Variants in EDIL3 observed in about 807,000 individuals in gnomAD.
EDIL3 encodes the protein EGF-like repeat and discoidin I-like domain-containing protein 3.
EDIL3 carries 37 observed loss-of-function variants against 67.4 expected under a neutral mutation model. The ratio of observed to expected loss-of-function variants is 0.55; its 90% CI spans 0.42 to 0.72. The LOEUF (loss-of-function observed/expected upper bound fraction) is 0.72. Ranked by LOEUF, EDIL3 falls within the 30% of genes least tolerant of loss-of-function variation. EDIL3 has a pLI of 0.00. For missense variants in EDIL3, 527 were observed against 586.3 expected (o/e 0.90, Z 1.04); for synonymous variants, 195 against 196.3 (o/e 0.99, Z 0.05).
intron 1 of EDIL3, among the ~76,000 whole-genome samples, chr5:84,312,245 C>G (rs1366251323): frequency 6.9e-6 from 1 of 145,312 alleles, no homozygotes; most frequent in East Asian, 2.1e-4. Flanking sequence ...GGCTGACCCC[C>G]CCACCTCCCT....
At chr5:84,241,686 GAA>G (rs200180863) in intron 2 of EDIL3, among the ~76,000 whole-genome samples, 6 of 135,346 alleles carry the variant, frequency 4.4e-5, no homozygotes, top group Non-Finnish European at 3.2e-5. Context: ...GCACCAACAG[GAA>G]AAAAAAAAAA....
At chr5:84,313,316 A>G (rs1746442881) in intron 1 of EDIL3, among the ~76,000 whole-genome samples, 1 of 152,236 alleles carries the variant, frequency 6.6e-6, no homozygotes. Context: ...AATTTCATAC[A>G]TAAGTAAATG....
chr5:84,268,770 G>A (rs560122741), intron 1 of EDIL3, among the ~76,000 whole-genome samples: 1 of 152,112 alleles, frequency 6.6e-6, no homozygotes, highest in South Asian at 2.1e-4. Context: ...ACTTCGTACT[G>A]TTCCATTATA....
At chr5:84,057,328 G>A (rs1211360625) in intron 9 of EDIL3, among the ~76,000 whole-genome samples, 1 of 152,052 alleles carries the variant, frequency 6.6e-6, no homozygotes, top group Non-Finnish European at 1.5e-5. Flanking sequence ...TCTTTCCAAA[G>A]AAATATGCCA....
chr5:84,059,077 T>A (rs10942343), intron 9 of EDIL3, among the ~76,000 whole-genome samples: 17,239 of 151,872 alleles, frequency 0.11, 1,492 homozygotes, highest in African/African-American at 0.24. Context: ...CTTGTGAGTA[T>A]AAGAAAAAGT....
chr5:84,100,408 G>C (rs1747341248), intron 6 of EDIL3, among the ~76,000 whole-genome samples: 1 of 152,110 alleles, frequency 6.6e-6, no homozygotes, highest in South Asian at 2.1e-4. Flanking sequence ...AGAAGGATGA[G>C]TTCACATCCT....
intron 2 of EDIL3, among the ~76,000 whole-genome samples, chr5:84,230,410 CTTT>C (rs869168484): frequency 3.6e-5 from 5 of 137,156 alleles, no homozygotes; most frequent in Admixed American, 7.3e-5. Flanking sequence ...TTGGACTTTT[CTTT>C]TTTTTTTTTT....
At chr5:84,232,141 G>T (rs1392396031) in intron 2 of EDIL3, among the ~76,000 whole-genome samples, 2 of 152,112 alleles carry the variant, frequency 1.3e-5, no homozygotes, top group Non-Finnish European at 2.9e-5. Flanking sequence ...AAACTAGACG[G>T]CAGAGTTTAC....
intron 9 of EDIL3, among the ~76,000 whole-genome samples, chr5:84,054,258 A>C (rs1260843079): frequency 6.6e-6 from 1 of 152,054 alleles, no homozygotes; most frequent in African/African-American, 2.4e-5. Flanking sequence ...AATTTCAACA[A>C]CTCTTCATGC....
intron 1 of EDIL3, among the ~76,000 whole-genome samples, chr5:84,362,077 G>A (rs1747623513): frequency 6.6e-6 from 1 of 152,036 alleles, no homozygotes; most frequent in Non-Finnish European, 1.5e-5. Flanking sequence ...CAAAAGAGCA[G>A]TAATGCCAAA....
At chr5:84,363,387 T>C (rs1354946952) in intron 1 of EDIL3, among the ~76,000 whole-genome samples, 3 of 150,810 alleles carry the variant, frequency 2.0e-5, no homozygotes, top group Non-Finnish European at 4.4e-5. Flanking sequence ...GAAGTGGAGG[T>C]TGCAGTGAGC....
chr5:84,059,601 T>A (rs1338404043), intron 9 of EDIL3, among the ~76,000 whole-genome samples: 1 of 152,174 alleles, frequency 6.6e-6, no homozygotes, highest in Non-Finnish European at 1.5e-5. Flanking sequence ...AGCATAAAAA[T>A]CAACAAGAAC....
At chr5:83,987,175 G>T (rs900818990) in intron 9 of EDIL3, among the ~76,000 whole-genome samples, 8 of 152,128 alleles carry the variant, frequency 5.3e-5, no homozygotes, top group African/African-American at 1.7e-4. Context: ...CTGTTTTTCA[G>T]TCTTCTTATG....
intron 3 of EDIL3, among the ~76,000 whole-genome samples, chr5:84,203,653 T>C (rs559587224): frequency 3.3e-5 from 5 of 152,308 alleles, no homozygotes; most frequent in African/African-American, 1.2e-4. Context: ...GAGTGACTAT[T>C]ATAAAATCTA....
intron 5 of EDIL3, among the ~76,000 whole-genome samples, chr5:84,118,206 A>C (rs977279032): frequency 1.7e-4 from 26 of 152,096 alleles, no homozygotes; most frequent in Non-Finnish European, 3.7e-4. Flanking sequence ...CGAAAAAAAC[A>C]AAAAAAGGAA....
At chr5:84,313,462 A>C (rs1334704536) in intron 1 of EDIL3, among the ~76,000 whole-genome samples, 2 of 152,226 alleles carry the variant, frequency 1.3e-5, no homozygotes, top group East Asian at 3.8e-4. Flanking sequence ...AAAAGAGCAA[A>C]CGTGCAATAA....
intron 9 of EDIL3, among the ~76,000 whole-genome samples, chr5:84,058,688 G>A (rs1376721548): frequency 6.6e-6 from 1 of 152,086 alleles, no homozygotes. Flanking sequence ...CGAGGATGGA[G>A]GAAAATAGAA....
intron 9 of EDIL3, among the ~76,000 whole-genome samples, chr5:84,036,321 A>T (rs1746021273): frequency 6.6e-6 from 1 of 152,198 alleles, no homozygotes; most frequent in South Asian, 2.1e-4. Flanking sequence ...TAAGGTCTTA[A>T]TGCACAACTG....
At chr5:84,371,403 A>G (rs911055224) in intron 1 of EDIL3, among the ~76,000 whole-genome samples, 5 of 142,216 alleles carry the variant, frequency 3.5e-5, no homozygotes, top group Non-Finnish European at 6.1e-5. Flanking sequence ...GTGTATATAT[A>G]TGTGTGTATA....
Sources: allele counts gnomAD v4.1 joint callset (sites outside exome capture counted in the v4.1 genomes callset), GRCh38; gene constraint gnomAD v4.1.1; transcripts MANE v1.5; gene names NCBI Gene and HGNC (gene_info 2026-07-23, HGNC 2026-07-21).